LRP1B: variants seen among roughly 807,000 people sequenced by gnomAD.
LRP1B encodes LDL receptor related protein 1B, also known as low-density lipoprotein receptor-related protein 1B.
Under a neutral mutation model 556.6 loss-of-function variants are expected in LRP1B, and 217 were observed. The ratio of observed to expected loss-of-function variants is 0.39; its 90% CI spans 0.35 to 0.44. The LOEUF is 0.44. Ranked by LOEUF, LRP1B falls within the 20% of genes least tolerant of loss-of-function variation. The probability of loss-of-function intolerance (pLI) is 1.00; values close to 1 mark genes in which losing one functional copy is unlikely to be tolerated. For synonymous variants in LRP1B, 2,047 were observed against 1,865.8 expected, an observed-to-expected ratio of 1.10 and a Z score of -2.50; for missense variants, 5,053 against 5,620.8, an observed-to-expected ratio of 0.90 and a Z score of 3.23.
chr2:140,654,681 TG>T (rs147019119), intron 41 of LRP1B, among the ~76,000 whole-genome samples: 1,815 of 152,268 alleles, frequency 0.012, 31 homozygotes, highest in African/African-American at 0.039. Context: ...ACACTATAGA[TG>T]GGATTTCCCA....
chr2:141,312,551 A>G (rs1235122348), intron 3 of LRP1B, among the ~76,000 whole-genome samples: 1 of 152,186 alleles, frequency 6.6e-6, no homozygotes, highest in African/African-American at 2.4e-5. Flanking sequence ...TAAAAGGTCA[A>G]CGGTACTTAA....
intron 52 of LRP1B, among the ~76,000 whole-genome samples, chr2:140,508,151 T>G (rs140297090): frequency 2.0e-5 from 3 of 152,110 alleles, no homozygotes; most frequent in Admixed American, 2.0e-4. Context: ...AAAACTTAGG[T>G]GCCTTCTATT....
chr2:141,729,266 TACTTGAA>T (rs1003414704), intron 2 of LRP1B, among the ~76,000 whole-genome samples: 7 of 152,172 alleles, frequency 4.6e-5, no homozygotes, highest in Non-Finnish European at 1.0e-4. Flanking sequence ...GACACAGTGA[TACTTGAA>T]ACTTCAAACA....
intron 7 of LRP1B, among the ~76,000 whole-genome samples, chr2:141,078,530 T>C (rs946218546): frequency 6.6e-6 from 1 of 152,150 alleles, no homozygotes; most frequent in Admixed American, 6.6e-5. Context: ...CTGGAAGTGG[T>C]TGATGGCTTG....
At chr2:141,098,491 C>A (rs1317791701) in intron 7 of LRP1B, among the ~76,000 whole-genome samples, 1 of 152,132 alleles carries the variant, frequency 6.6e-6, no homozygotes, top group Non-Finnish European at 1.5e-5. Context: ...CCCTTAGCAC[C>A]ACTGTTTCCC....
At position 140,702,270 on chromosome 2, in the gene LRP1B, T is replaced by C; in HGVS notation, c.6173A>G (p.Asp2058Gly). Residue 2058 changes from aspartate (D) to glycine (G), a missense_variant, in exon 39 of 91, where the codon GAT becomes GGT. Physicochemically the swap from Asp to Gly is moderately conservative, Grantham distance 94. Transcript: ENST00000389484. ...TCTCTCTATCTTGTCTGTGCGAGCA[T>C]CACACCAGTACAATTTATTTTCCTA... Reference protein sequence around the residue: ...DYEENKLYWCDARTDKIERID... With the variant: ...DYEENKLYWCGARTDKIERID... The C allele has an allele frequency of 6.2e-7, 1 of 1,613,682 alleles. No homozygotes were observed. Among genetic ancestry groups the C allele is most frequent in the Non-Finnish European group, 8.5e-7 (1 of 1,179,742 alleles).
chr2:141,478,690 C>G (rs1289707789), intron 3 of LRP1B, among the ~76,000 whole-genome samples: 1 of 151,900 alleles, frequency 6.6e-6, no homozygotes, highest in African/African-American at 2.4e-5. Flanking sequence ...AATACAGGCC[C>G]CTGCCACCAC....
At chr2:141,106,372 A>G (rs1409092345) in intron 7 of LRP1B, among the ~76,000 whole-genome samples, 2 of 152,156 alleles carry the variant, frequency 1.3e-5, no homozygotes, top group Non-Finnish European at 2.9e-5. Flanking sequence ...TTAAAACCAG[A>G]TATTTTTAAA....
intron 3 of LRP1B, among the ~76,000 whole-genome samples, chr2:141,468,456 T>A (rs1433799527): frequency 6.6e-6 from 1 of 152,200 alleles, no homozygotes; most frequent in Admixed American, 6.5e-5. Context: ...AGTGCACATA[T>A]ATTTCTATAC....
intron 32 of LRP1B, among the ~76,000 whole-genome samples, chr2:140,789,591 A>C (rs947764652): frequency 2.1e-5 from 3 of 144,332 alleles, no homozygotes; most frequent in African/African-American, 7.8e-5. Flanking sequence ...CAGCTGAGGC[A>C]TGCCAAGCAC....
intron 41 of LRP1B, chr2:140,683,814 T>G: frequency 1.4e-6 from 1 of 689,996 alleles, no homozygotes; most frequent in East Asian, 2.6e-5. Context: ...GGCTAGGGGA[T>G]GCCTTCCATG....
intron 31 of LRP1B, among the ~76,000 whole-genome samples, chr2:140,836,716 G>T (rs1200631590): frequency 6.6e-6 from 1 of 152,126 alleles, no homozygotes; most frequent in Non-Finnish European, 1.5e-5. Context: ...TATATAGCAA[G>T]CTGGGGAATT....
intron 1 of LRP1B, among the ~76,000 whole-genome samples, chr2:142,120,691 C>T (rs1707427882): frequency 1.3e-5 from 2 of 152,244 alleles, no homozygotes; most frequent in South Asian, 4.1e-4. Context: ...ATAGAAATAA[C>T]AGCAAAATTA....
At chr2:140,483,642 T>TATATATATA (rs1558913754) in intron 59 of LRP1B, among the ~76,000 whole-genome samples, 7 of 61,034 alleles carry the variant, frequency 1.1e-4, no homozygotes, top group Admixed American at 1.7e-4. Context: ...ATATATATAT[T>TATATATATA]TTTTTTTTTT....
At chr2:141,212,414 G>C (rs1682601990) in intron 6 of LRP1B, among the ~76,000 whole-genome samples, 2 of 150,422 alleles carry the variant, frequency 1.3e-5, no homozygotes, top group Admixed American at 6.6e-5. Flanking sequence ...AAGTAGCTGG[G>C]ACTACAGGCT....
chr2:141,459,749 A>G (rs1681785660), intron 3 of LRP1B, among the ~76,000 whole-genome samples: 2 of 152,082 alleles, frequency 1.3e-5, no homozygotes, highest in African/African-American at 4.8e-5. Flanking sequence ...ATCTTCTGCC[A>G]TGGTTGTGAG....
intron 43 of LRP1B, among the ~76,000 whole-genome samples, chr2:140,551,237 A>G (rs1359202350): frequency 1.3e-5 from 2 of 152,210 alleles, no homozygotes; most frequent in Non-Finnish European, 1.5e-5. Context: ...TATTTTTAAA[A>G]TCAGTATGAA....
chr2:141,544,382 C>CTTCTTCTTCT (rs1559131551), intron 2 of LRP1B, among the ~76,000 whole-genome samples: 1 of 65,738 alleles, frequency 1.5e-5, no homozygotes, highest in South Asian at 7.0e-4. Flanking sequence ...TCTTCTTCTT[C>CTTCTTCTTCT]TCCTCCTCCT....
chr2:141,059,943 T>G (rs979069918), intron 8 of LRP1B, among the ~76,000 whole-genome samples: 3 of 151,830 alleles, frequency 2.0e-5, no homozygotes, highest in African/African-American at 7.2e-5. Context: ...CCACTTGATT[T>G]GCTGTAGAGA....
Sources: gnomAD v4.1 joint callset for allele counts (sites outside exome capture counted in the v4.1 genomes callset) on GRCh38, gnomAD v4.1.1 for gene constraint, MANE v1.5 for transcripts, NCBI Gene and HGNC (gene_info 2026-07-23, HGNC 2026-07-21) for gene names.